The following ARB2A variants were observed in gnomAD, a reference collection of about 807,000 sequenced individuals.
ARB2A encodes cotranscriptional regulator ARB2A.
At chr5:94,010,277 A>AT in the ARB2A span, among the ~76,000 whole-genome samples, 1 of 151,918 alleles carries the variant, frequency 6.6e-6, no homozygotes, top group Non-Finnish European at 1.5e-5. Context: ...GTATTTTCTA[A>AT]TTTTCTTTGC....
chr5:93,829,560 G>T, the ARB2A span, among the ~76,000 whole-genome samples: 15 of 152,220 alleles, frequency 9.9e-5, no homozygotes, highest in East Asian at 2.9e-3. Context: ...AATTCTTGAG[G>T]CCAAGAACTA....
the ARB2A span, chr5:93,621,182 G>C: frequency 2.0e-6 from 3 of 1,531,518 alleles, no homozygotes; most frequent in Non-Finnish European, 2.6e-6. Flanking sequence ...GCCAGGCGCG[G>C]TGAGGGCGGC....
chr5:94,021,870 AC>A, the ARB2A span, among the ~76,000 whole-genome samples: 1 of 152,134 alleles, frequency 6.6e-6, no homozygotes, highest in Non-Finnish European at 1.5e-5. Flanking sequence ...TCAGTTCAGG[AC>A]CAGCCTGGCC....
the ARB2A span, chr5:93,619,656 A>C: frequency 1.3e-5 from 2 of 152,226 alleles, no homozygotes; most frequent in African/African-American, 2.4e-5. Context: ...CTAGGTAATT[A>C]AACTTTTCAA....
chr5:93,722,834 T>A, the ARB2A span, among the ~76,000 whole-genome samples: 1 of 152,058 alleles, frequency 6.6e-6, no homozygotes, highest in Non-Finnish European at 1.5e-5. Flanking sequence ...AAGTAGCCCA[T>A]AAAAACTGGA....
the ARB2A span, among the ~76,000 whole-genome samples, chr5:93,783,216 A>T: frequency 6.6e-6 from 1 of 152,124 alleles, no homozygotes; most frequent in Non-Finnish European, 1.5e-5. Context: ...TCATTTATTA[A>T]CCTTACTATT....
the ARB2A span, among the ~76,000 whole-genome samples, chr5:94,012,267 TG>T: frequency 6.6e-6 from 1 of 152,060 alleles, no homozygotes; most frequent in Non-Finnish European, 1.5e-5. Flanking sequence ...CCAGGCGTGG[TG>T]GTGGGTGCCT....
the ARB2A span, chr5:93,824,362 GA>G: frequency 1.3e-6 from 1 of 751,748 alleles, no homozygotes; most frequent in South Asian, 3.7e-5. Flanking sequence ...CACAGCATAT[GA>G]AATACAATGG....
At chr5:93,664,007 A>G in the ARB2A span, among the ~76,000 whole-genome samples, 2 of 152,090 alleles carry the variant, frequency 1.3e-5, no homozygotes, top group Admixed American at 1.3e-4. Flanking sequence ...TCATGTATCA[A>G]TAGTGTTCTG....
the ARB2A span, among the ~76,000 whole-genome samples, chr5:93,704,282 T>C: frequency 2.6e-5 from 4 of 152,202 alleles, no homozygotes; most frequent in Non-Finnish European, 5.9e-5. Context: ...AAGTATGTAG[T>C]GGACTTGCAA....
At chr5:94,038,759 T>C in the ARB2A span, among the ~76,000 whole-genome samples, 1 of 150,962 alleles carries the variant, frequency 6.6e-6, no homozygotes, top group Non-Finnish European at 1.5e-5. Flanking sequence ...GTGAAACATA[T>C]ATAGTAGCGC....
the ARB2A span, among the ~76,000 whole-genome samples, chr5:93,717,440 C>CTTTTT: frequency 9.3e-6 from 1 of 107,396 alleles, no homozygotes; most frequent in African/African-American, 3.3e-5. Flanking sequence ...ACCACAGTTG[C>CTTTTT]TTTTTTTTTT....
chr5:93,677,573 C>G, the ARB2A span, among the ~76,000 whole-genome samples: 6 of 152,316 alleles, frequency 3.9e-5, no homozygotes, highest in East Asian at 1.2e-3. Flanking sequence ...TGTGGCCAGG[C>G]AGGCACGAGA....
the ARB2A span, among the ~76,000 whole-genome samples, chr5:93,664,606 G>C: frequency 6.7e-6 from 1 of 150,008 alleles, no homozygotes; most frequent in East Asian, 2.0e-4. Flanking sequence ...ACTCCAGCCT[G>C]GGCGACAGAG....
the ARB2A span, among the ~76,000 whole-genome samples, chr5:93,634,076 A>G: frequency 6.6e-6 from 1 of 151,990 alleles, no homozygotes; most frequent in Non-Finnish European, 1.5e-5. Flanking sequence ...AATCTACCTT[A>G]TATTGAAGTG....
the ARB2A span, chr5:93,865,599 G>A: frequency 1.0e-6 from 1 of 985,338 alleles, no homozygotes; most frequent in East Asian, 1.1e-4. Flanking sequence ...GAAACAATTA[G>A]GACACTTGGG....
At chr5:93,986,377 G>A in the ARB2A span, among the ~76,000 whole-genome samples, 8 of 148,910 alleles carry the variant, frequency 5.4e-5, no homozygotes, top group Non-Finnish European at 7.4e-5. Flanking sequence ...GGGCGCCCCC[G>A]CCCGGCAGCT....
At chr5:93,830,622 T>C in the ARB2A span, among the ~76,000 whole-genome samples, 1 of 152,066 alleles carries the variant, frequency 6.6e-6, no homozygotes, top group Admixed American at 6.5e-5. Context: ...TCTTCCTGTA[T>C]ACTGTTGGGA....
At chr5:93,966,510 A>G in the ARB2A span, among the ~76,000 whole-genome samples, 1 of 152,232 alleles carries the variant, frequency 6.6e-6, no homozygotes, top group East Asian at 1.9e-4. Flanking sequence ...CAAGTCTGGA[A>G]TTTGCAACAT....
Sources: gnomAD v4.1 joint callset for allele counts (sites outside exome capture counted in the v4.1 genomes callset) on GRCh38, gnomAD v4.1.1 for gene constraint, MANE v1.5 for transcripts, NCBI Gene and HGNC (gene_info 2026-07-23, HGNC 2026-07-21) for gene names.